KIAA1549: variants seen among roughly 807,000 people sequenced by gnomAD.
KIAA1549 encodes the protein UPF0606 protein KIAA1549.
KIAA1549 carries 70 observed loss-of-function variants against 156.4 expected under a neutral mutation model. The ratio of observed to expected loss-of-function variants is 0.45; its 90% CI spans 0.37 to 0.55. KIAA1549 has a LOEUF of 0.55. Ranked by LOEUF, KIAA1549 falls within the 20% of genes least tolerant of loss-of-function variation. KIAA1549 has a pLI of 0.00. For synonymous variants in KIAA1549, 1,103 were observed against 1,066.4 expected, an observed-to-expected ratio of 1.03 and a Z score of -0.67; for missense variants, 2,428 against 2,540.9, an observed-to-expected ratio of 0.96 and a Z score of 0.96.
chr7:138,894,561 C>T (rs770875128), intron 9 of KIAA1549, 35 bp from the exon 10 acceptor site: 5 of 1,605,186 alleles, frequency 3.1e-6, no homozygotes, highest in African/African-American at 1.3e-5. Context: ...TCAATAATTC[C>T]TTCTTCACTC....
chr7:138,941,236 C>T (rs1040040099), intron 1 of KIAA1549, among the ~76,000 whole-genome samples: 3 of 152,112 alleles, frequency 2.0e-5, no homozygotes, highest in Admixed American at 6.5e-5. Context: ...ATTTCTGTAC[C>T]ATTCTTTAAA....
intron 1 of KIAA1549, among the ~76,000 whole-genome samples, chr7:138,921,489 G>A (rs966993532): frequency 4.6e-5 from 7 of 152,196 alleles, no homozygotes; most frequent in Middle Eastern, 3.2e-3. Context: ...CGGAAACAGG[G>A]TCAGTGTAGA....
intron 18 of KIAA1549, among the ~76,000 whole-genome samples, chr7:138,843,192 C>T (rs1337881140): frequency 2.0e-5 from 3 of 152,128 alleles, no homozygotes; most frequent in Admixed American, 1.3e-4. Context: ...GAGGTAAGTA[C>T]GAATATTCCC....
intron 18 of KIAA1549, among the ~76,000 whole-genome samples, chr7:138,840,813 A>G (rs1809894291): frequency 6.6e-6 from 1 of 152,154 alleles, no homozygotes. Flanking sequence ...TGTGAGCACC[A>G]CAACAGCCCC....
At chr7:138,857,394 T>C (rs1383032238) in intron 16 of KIAA1549, among the ~76,000 whole-genome samples, 3 of 152,238 alleles carry the variant, frequency 2.0e-5, no homozygotes, top group Non-Finnish European at 4.4e-5. Context: ...CTATTATAAA[T>C]AAATCTGCCA....
intron 1 of KIAA1549, among the ~76,000 whole-genome samples, chr7:138,935,617 G>A (rs1053643937): frequency 4.6e-5 from 7 of 152,074 alleles, no homozygotes; most frequent in African/African-American, 1.2e-4. Flanking sequence ...AGTGGCACAC[G>A]ACATCCCATG....
At position 138,836,746 on chromosome 7, in the gene KIAA1549, T is replaced by C. The variant is rs900616475; in HGVS notation, c.*1160A>G. Reference sequence around the variant, plus strand: ...AGTAACAGCACAATAAAATCAGAAATGAGAAGCAACTCTCTCCTTTCCCTT... The same window carrying C: ...AGTAACAGCACAATAAAATCAGAAACGAGAAGCAACTCTCTCCTTTCCCTT... On this transcript the variant is annotated 3_prime_UTR_variant, in exon 20 of 20. Coordinates refer to ENST00000422774, the MANE Select transcript of KIAA1549 (RefSeq NM_001164665.2). The C allele has an allele frequency of 1.4e-5, 3 of 221,010 alleles. No homozygotes were observed. The highest frequency in any genetic ancestry group is 6.7e-5 in the African/African-American group (3 of 44,652). The allele number at this position is 221,010 out of a possible 1,614,324, so 13.7% of individuals were successfully genotyped here.
rs59419813 is a variant in KIAA1549, at chr7:138,833,652, TATAGATAG to T, written c.*4246_*4253del. ...TAGCAGTAAAGAAGCTGAATATATA[TATAGATAG>T]ATAGACAGATACATAGACAGACAGA... On this transcript the variant is annotated 3_prime_UTR_variant, in exon 20 of 20. Transcript: ENST00000422774. 3.9e-5 allele frequency: 9 copies of T among 232,384 alleles called. No homozygotes were observed. In the East Asian group the frequency reaches 5.5e-4, roughly 14 times the overall value. 14.4% of individuals were successfully genotyped at this position (232,384 alleles called of 1,614,324 possible). A position where few individuals can be genotyped will look rare whatever the true frequency, so the allele number is the denominator to read the frequency against.
chr7:138,862,930 CAAAAG>C (rs1234005991), intron 15 of KIAA1549, among the ~76,000 whole-genome samples: 4 of 151,136 alleles, frequency 2.6e-5, no homozygotes, highest in Non-Finnish European at 5.9e-5. Flanking sequence ...AACTCTATCT[CAAAAG>C]AAAAAGAAAA....
chr7:138,949,535 G>C (rs759624821), intron 1 of KIAA1549, among the ~76,000 whole-genome samples: 2 of 151,978 alleles, frequency 1.3e-5, no homozygotes, highest in African/African-American at 4.8e-5. Context: ...GCTGTCTCTC[G>C]GCATACAGCT....
rs777884892 is a variant in KIAA1549, at chr7:138,844,398, C to T, written c.5371G>A (p.Glu1791Lys). Residue 1791 changes from glutamate (E) to lysine (K), a missense_variant, in exon 18 of 20, where the codon GAA becomes AAA. Physicochemically the swap from Glu to Lys is moderately conservative, Grantham distance 56. This residue lies in a region of KIAA1549 where 363 missense variants were observed against 354.0 expected (regional missense o/e 1.03). Transcript: ENST00000422774. ...ATCCCTCTGGCAGCAAATGGGGCTT[C>T]GGCGGAGGCCTGTGGCTGCTGAGGG... ...PDPQQPQASA[E>K]APFAARGIYS... The T allele has an allele frequency of 4.4e-6, 7 of 1,607,320 alleles. 1 individual carries two copies. The highest frequency in any genetic ancestry group is 2.2e-5 in the South Asian group (2 of 90,180).
At chr7:138,902,076 C>T (rs1469379095) in intron 8 of KIAA1549, among the ~76,000 whole-genome samples, 1 of 152,188 alleles carries the variant, frequency 6.6e-6, no homozygotes, top group Non-Finnish European at 1.5e-5. Flanking sequence ...TTTTATAATT[C>T]ATTCTAATTT....
intron 16 of KIAA1549, among the ~76,000 whole-genome samples, chr7:138,855,367 T>C (rs1189188195): frequency 2.6e-5 from 4 of 152,232 alleles, no homozygotes; most frequent in South Asian, 2.1e-4. Context: ...TCAGCTGCCA[T>C]GCTGTGTTCA....
In KIAA1549 at chr7:138,903,850, TGTGCGCGCGCGC is replaced by T. The variant is rs1811926711; in HGVS notation, c.3521-126_3521-115del. The T allele has an allele frequency of 1.4e-5, 5 of 368,332 alleles. No individual in the cohort carries two copies. The South Asian group carries it at 1.9e-4, about 14-fold the overall frequency. The allele number at this position is 368,332 out of a possible 1,614,324, so 22.8% of individuals were successfully genotyped here. A position where few individuals can be genotyped will look rare whatever the true frequency, so the allele number is the denominator to read the frequency against. On this transcript the variant is annotated intron_variant, in intron 7 of 19. Transcript: ENST00000422774. ...GTGTGTGTGTGTGTGTGTGTGTGTGTGTGCGCGCGCGCGCGCGCGCACATATGTATTTGAAAT... is the reference window on the plus strand; with the variant it reads ...GTGTGTGTGTGTGTGTGTGTGTGTGTGCGCGCGCACATATGTATTTGAAAT...
chr7:138,855,114 A>C (rs1170989080), intron 16 of KIAA1549, among the ~76,000 whole-genome samples: 1 of 152,110 alleles, frequency 6.6e-6, no homozygotes, highest in Non-Finnish European at 1.5e-5. Flanking sequence ...AAGGGGAGGG[A>C]GGGGGAATCA....
Position 138,834,972 on chromosome 7 carries a change from GA to G in KIAA1549, c.*2933del, listed in dbSNP as rs767904035. On this transcript the variant is annotated 3_prime_UTR_variant, in exon 20 of 20. Transcript: ENST00000422774. ...GTCAGTGAGTGACAAAGTAGTCTCTGAAAAAAAAAAAAACAACATTTCTCCA... is the reference window on the plus strand; with the variant it reads ...GTCAGTGAGTGACAAAGTAGTCTCTGAAAAAAAAAAAACAACATTTCTCCA... 2,194 of 178,082 alleles carry G rather than the reference GA, an allele frequency of 0.012. No homozygotes were observed. The highest frequency in any genetic ancestry group is 0.032 in the Middle Eastern group (18 of 564). The allele number at this position is 178,082 out of a possible 1,614,324, so 11.0% of individuals were successfully genotyped here. A position where few individuals can be genotyped will look rare whatever the true frequency, so the allele number is the denominator to read the frequency against.
intron 8 of KIAA1549, among the ~76,000 whole-genome samples, chr7:138,899,448 T>C (rs1349457229): frequency 1.3e-5 from 2 of 152,204 alleles, no homozygotes; most frequent in African/African-American, 2.4e-5. Context: ...CAATCTCTGA[T>C]GTGCTGACCA....
At chr7:138,979,589 G>A (rs1216178856) in intron 1 of KIAA1549, among the ~76,000 whole-genome samples, 5 of 152,190 alleles carry the variant, frequency 3.3e-5, no homozygotes, top group Admixed American at 2.0e-4. Context: ...TGTGTCTTAT[G>A]ACAGATGAAT....
intron 1 of KIAA1549, among the ~76,000 whole-genome samples, chr7:138,926,061 T>G (rs1191866386): frequency 6.6e-6 from 1 of 152,090 alleles, no homozygotes; most frequent in Non-Finnish European, 1.5e-5. Flanking sequence ...CAGTATCAAG[T>G]GTCTCTAAAG....
Sources: allele counts gnomAD v4.1 joint callset (sites outside exome capture counted in the v4.1 genomes callset), GRCh38; gene constraint gnomAD v4.1.1; regional missense constraint gnomAD v4.1.1; transcripts MANE v1.5; gene names NCBI Gene and HGNC (gene_info 2026-07-23, HGNC 2026-07-21).